MYO15A: variants seen among roughly 807,000 people sequenced by gnomAD.
MYO15A encodes myosin XVA, also known as unconventional myosin-XV.
MYO15A carries 308 observed loss-of-function variants against 394.6 expected under a neutral mutation model. That is an observed-to-expected ratio of 0.78 (90% confidence interval 0.71 to 0.86). The LOEUF is 0.86. Among genes scored for constraint, MYO15A ranks in the 40% least tolerant of loss-of-function variants. MYO15A has a pLI of 0.00. For synonymous variants in MYO15A, 1,957 were observed against 2,003.8 expected (o/e 0.98, Z 0.62); for missense variants, 4,606 against 4,799.1 (o/e 0.96, Z 1.19).
Position 18,149,391 on chromosome 17 carries a change from G to C in MYO15A, c.7117+15G>C. 6.2e-7 allele frequency: 1 copy of C among 1,607,404 alleles called. No individual in the cohort carries two copies. Among genetic ancestry groups the C allele is most frequent in the Non-Finnish European group, 8.5e-7 (1 of 1,176,664 alleles). Reference sequence around the variant, plus strand: ...AACCCACCAAGGTCAACCAACAATGGCTGCTGTCTCTGGTGGGGAGGGAGC... The same window carrying C: ...AACCCACCAAGGTCAACCAACAATGCCTGCTGTCTCTGGTGGGGAGGGAGC... On this transcript the variant is annotated intron_variant, in intron 34 of 65. Transcript: ENST00000647165.
At chr17:18,155,871 C>T (rs1217157631) in intron 47 of MYO15A, 18 of 445,414 alleles carry the variant, frequency 4.0e-5, no homozygotes, top group African/African-American at 3.6e-4. Context: ...GTAAAACCTG[C>T]ATGCTTTGAA....
chr17:18,148,108 C>A lies in MYO15A; in HGVS notation c.6589C>A (p.Gln2197Lys), dbSNP rs779445819. The A allele has an allele frequency of 6.2e-7, 1 of 1,613,834 alleles. No homozygotes were observed. The highest frequency in any genetic ancestry group is 8.5e-7 in the Non-Finnish European group (1 of 1,180,062). Reference protein sequence around the residue: ...RLMQAMGRAQQQGSGAARTLP... With the variant: ...RLMQAMGRAQKQGSGAARTLP... ...CATGCAGGCCATGGGCCGGGCCCAA[C>A]AGCAGGGCTCGGGGGCTGCCCGCAC... The change falls in exon 31 of 66, where the codon CAG becomes AAG. Residue 2197 changes from glutamine to lysine, a missense_variant. Coordinates refer to ENST00000647165, the MANE Select transcript of MYO15A (RefSeq NM_016239.4). This position sits in a 1 kb window ranked among gnomAD's most constrained non-coding sequence, Gnocchi z 4.8.
Position 18,153,809 on chromosome 17 carries a change from A to G in MYO15A, c.8001A>G (p.Glu2667=), listed in dbSNP as rs2046627017. The G allele has an allele frequency of 1.9e-6, 3 of 1,613,730 alleles. No individual in the cohort carries two copies. Among genetic ancestry groups the G allele is most frequent in the Admixed American group, 1.7e-5 (1 of 60,014 alleles). ...CGCGATCGCTGGAGCCCCCTGAGGA[A>G]CTCACGCAGACGCGGCTGCACCGCC... ...LPSRSLEPPE[E]LTQTRLHRLI... The change falls in exon 43 of 66, where the codon GAA becomes GAG. Residue 2667 remains glutamate, a synonymous_variant. Transcript: ENST00000647165. This position sits in a 1 kb window ranked among gnomAD's most constrained non-coding sequence, Gnocchi z 4.1.
At chr17:18,141,828 T>C (rs548587136) in intron 23 of MYO15A, 58 bp downstream of exon 23, 1 of 1,549,298 alleles carries the variant, frequency 6.5e-7, no homozygotes, top group Admixed American at 1.7e-5. Flanking sequence ...GGTCCACAAC[T>C]ACTGAGTCAG....
At position 18,122,200 on chromosome 17, in the gene MYO15A, A is replaced by G. The variant is rs2045952072; in HGVS notation, c.3400A>G (p.Thr1134Ala). The G allele has an allele frequency of 1.2e-6, 2 of 1,613,048 alleles. No individual in the cohort carries two copies. Among genetic ancestry groups the G allele is most frequent in the Middle Eastern group, 3.3e-4 (2 of 6,062 alleles). The change falls in exon 2 of 66, where the codon ACC becomes GCC. Residue 1134 changes from threonine to alanine, a missense_variant. By Grantham distance (58) the Thr-to-Ala change is moderately conservative (BLOSUM62 0). Transcript: ENST00000647165. ...LSSFQRVGPA[T>A]LKPQVQPIQD... is the part of the protein sequence containing the mutation. ...CTCTTTCCAGCGAGTTGGGCCTGCAACCCTGAAGCCTCAAGTCCAGCCCAT... is the reference window on the plus strand; with the variant it reads ...CTCTTTCCAGCGAGTTGGGCCTGCAGCCCTGAAGCCTCAAGTCCAGCCCAT...
intron 1 of MYO15A, among the ~76,000 whole-genome samples, chr17:18,116,830 G>C (rs1359852354): frequency 2.6e-5 from 4 of 151,838 alleles, no homozygotes; most frequent in Non-Finnish European, 5.9e-5. Context: ...TGAGGCACAA[G>C]AATTGCTTGA....
chr17:18,124,066 A>T (rs112312428), intron 2 of MYO15A: 3 of 283,034 alleles, frequency 1.1e-5, no homozygotes, highest in African/African-American at 6.5e-5. Context: ...GTGCTAAGAC[A>T]GTCTCCATCT....
Position 18,152,057 on chromosome 17 carries a change from C to G in MYO15A, c.7894-55C>G. ...CCTATAAGCTGTGGCCCTGCCACTG[C>G]CCCTCCACAGGGCCTGCCTGTTGCC... On this transcript the variant is annotated intron_variant, in intron 41 of 65. Coordinates refer to ENST00000647165, the MANE Select transcript of MYO15A (RefSeq NM_016239.4). 1.9e-6 allele frequency: 3 copies of G among 1,544,686 alleles called. No individual in the cohort carries two copies. The South Asian group carries it at 3.6e-5, about 18-fold the overall frequency.
intron 60 of MYO15A, 111 bp downstream of exon 60, chr17:18,163,949 A>C (rs766637962): frequency 4.0e-5 from 44 of 1,090,848 alleles, no homozygotes; most frequent in Admixed American, 2.8e-4. Context: ...CACTTCCTCC[A>C]GGAAGCCCCT....
At chr17:18,154,012 G>C in intron 43 of MYO15A, 116 bp downstream of exon 43, 1 of 1,603,298 alleles carries the variant, frequency 6.2e-7, no homozygotes, top group Non-Finnish European at 8.5e-7. Context: ...GAAAAAGGCC[G>C]GGCTGAAACC....
At chr17:18,161,896 A>AG (rs77730066) in intron 57 of MYO15A, among the ~76,000 whole-genome samples, 1 of 151,830 alleles carries the variant, frequency 6.6e-6, no homozygotes, top group Admixed American at 6.6e-5. Flanking sequence ...ATATGGAGAA[A>AG]GGGGGGGCCA....
intron 1 of MYO15A, among the ~76,000 whole-genome samples, chr17:18,113,926 C>T (rs748498675): frequency 6.6e-6 from 1 of 151,936 alleles, no homozygotes; most frequent in Non-Finnish European, 1.5e-5. Flanking sequence ...TCCTGGAGAT[C>T]GCTCCCTATC....
intron 17 of MYO15A, among the ~76,000 whole-genome samples, 155 bp downstream of exon 17, chr17:18,138,401 T>C (rs1056734807): frequency 1.3e-5 from 2 of 152,252 alleles, no homozygotes; most frequent in African/African-American, 4.8e-5. Flanking sequence ...CCTGGGGTGA[T>C]TGAGGCCAGA....
intron 33 of MYO15A, 93 bp downstream of exon 33, chr17:18,149,045 G>T: frequency 6.6e-7 from 1 of 1,507,474 alleles, no homozygotes; most frequent in East Asian, 2.5e-5. Context: ...CCCAGCTGCT[G>T]GGACAGGCTG....
At chr17:18,172,779 T>G (rs1597825873) in intron 64 of MYO15A, 5 of 263,692 alleles carry the variant, frequency 1.9e-5, no homozygotes, top group South Asian at 1.3e-4. Context: ...TAAGGACATC[T>G]GTCATATTGG....
Position 18,140,774 on chromosome 17 carries a change from C to T in MYO15A, c.5361-13C>T, listed in dbSNP as rs376674090. 1.9e-6 allele frequency: 3 copies of T among 1,614,090 alleles called. No individual in the cohort carries two copies. Among genetic ancestry groups the T allele is most frequent in the African/African-American group, 2.7e-5 (2 of 74,944 alleles). On this transcript the variant is annotated splice_polypyrimidine_tract_variant and intron_variant, in intron 20 of 65. Coordinates refer to ENST00000647165, the MANE Select transcript of MYO15A (RefSeq NM_016239.4). ...TCTGAGGCCTCATGCTGTCCTCTTCCTGCCACTGCCAGGTGCAACCCCTTG... is the reference window on the plus strand; with the variant it reads ...TCTGAGGCCTCATGCTGTCCTCTTCTTGCCACTGCCAGGTGCAACCCCTTG...
intron 1 of MYO15A, among the ~76,000 whole-genome samples, chr17:18,115,631 T>G (rs1597743129): frequency 6.7e-6 from 1 of 150,108 alleles, no homozygotes; most frequent in African/African-American, 2.4e-5. Flanking sequence ...AAAAAAAGAC[T>G]GAGGTCGAAT....
chr17:18,133,397 G>A lies in MYO15A; in HGVS notation c.4482+11G>A, dbSNP rs370754071. ...TTTGAGAAGTATGAGGTGAGGGGACGCCACAGCCTGCCATGGGGCCCGCAC... is the reference window on the plus strand; with the variant it reads ...TTTGAGAAGTATGAGGTGAGGGGACACCACAGCCTGCCATGGGGCCCGCAC... On this transcript the variant is annotated intron_variant, in intron 12 of 65. Transcript: ENST00000647165. 1.0e-4 allele frequency: 168 copies of A among 1,613,564 alleles called. 1 individual carries two copies. Among genetic ancestry groups the A allele is most frequent in the Middle Eastern group, 8.3e-4 (5 of 6,058 alleles).
intron 15 of MYO15A, 144 bp from the exon 16 acceptor site, chr17:18,137,439 TG>T: frequency 1.4e-6 from 1 of 715,670 alleles, no homozygotes; most frequent in Non-Finnish European, 2.5e-6. Flanking sequence ...GATTCTGTCC[TG>T]GGTGCAGCAG....
Sources: allele counts gnomAD v4.1 joint callset (sites outside exome capture counted in the v4.1 genomes callset), GRCh38; gene constraint gnomAD v4.1.1; non-coding constraint Gnocchi (gnomAD v3.1); transcripts MANE v1.5; gene names NCBI Gene and HGNC (gene_info 2026-07-23, HGNC 2026-07-21).